The following CDH7 variants were observed in gnomAD, a reference collection of about 807,000 sequenced individuals.
The protein encoded by CDH7 is cadherin 7, also known as cadherin-7.
CDH7 carries 25 observed loss-of-function variants against 71.8 expected under a neutral mutation model. That is an observed-to-expected ratio of 0.35 (90% CI 0.25 to 0.49). CDH7 has a LOEUF of 0.49. CDH7 is among the 20% of genes least tolerant of loss of function. CDH7 has a pLI of 0.99. For synonymous variants in CDH7, 381 were observed against 363.8 expected, an observed-to-expected ratio of 1.05 and a Z score of -0.54; for missense variants, 862 against 974.6, an observed-to-expected ratio of 0.88 and a Z score of 1.54.
At chr18:65,838,483 A>G (rs1912613839) in intron 6 of CDH7, among the ~76,000 whole-genome samples, 1 of 152,224 alleles carries the variant, frequency 6.6e-6, no homozygotes, top group Non-Finnish European at 1.5e-5. Flanking sequence ...TTAAGTATAT[A>G]GACATGCACA....
chr18:65,790,026 G>A (rs1485326309), intron 2 of CDH7, among the ~76,000 whole-genome samples: 3 of 151,660 alleles, frequency 2.0e-5, no homozygotes, highest in South Asian at 2.1e-4. Context: ...TCAGAAGATC[G>A]AGAACATCCT....
At chr18:65,763,594 GGTGTGTGT>G (rs71167145) in intron 2 of CDH7, among the ~76,000 whole-genome samples, 19 of 99,130 alleles carry the variant, frequency 1.9e-4, no homozygotes, top group Non-Finnish European at 2.6e-4. Context: ...TTGATAGGGG[GGTGTGTGT>G]GTGTGTGTGT....
chr18:65,790,036 T>C (rs945587671), intron 2 of CDH7, among the ~76,000 whole-genome samples: 2 of 151,624 alleles, frequency 1.3e-5, no homozygotes, highest in African/African-American at 4.8e-5. Context: ...GAGAACATCC[T>C]GGCTAACATG....
In CDH7 at chr18:65,887,959, T is replaced by C. The variant is rs1914415079; in HGVS notation, c.*7065T>C. The C allele has an allele frequency of 1.3e-5, 2 of 152,164 alleles. No homozygotes were observed. Among genetic ancestry groups the C allele is most frequent in the Non-Finnish European group, 2.9e-5 (2 of 68,010 alleles). The allele number at this position is 152,164 out of a possible 1,614,324, so 9.4% of individuals were successfully genotyped here. On this transcript the variant is annotated 3_prime_UTR_variant, in exon 12 of 12. Transcript: ENST00000397968. ...ACCACTTTTATAATATTTTTGCTTA[T>C]GTAAGAGTCACTTCTATAGTAAAAG... is the stretch of plus-strand genomic sequence containing the variant.
chr18:65,762,280 C>T (rs1916213184), intron 1 of CDH7, among the ~76,000 whole-genome samples: 1 of 151,908 alleles, frequency 6.6e-6, no homozygotes, highest in Non-Finnish European at 1.5e-5. Context: ...ATGAAAATCA[C>T]TGTAATATAA....
At chr18:65,857,101 A>G (rs1394604282) in intron 7 of CDH7, among the ~76,000 whole-genome samples, 3 of 151,594 alleles carry the variant, frequency 2.0e-5, no homozygotes, top group Non-Finnish European at 4.4e-5. Context: ...AATGGGCAAG[A>G]TGTTTACATG....
chr18:65,763,481 C>A (rs555859269), intron 2 of CDH7, among the ~76,000 whole-genome samples: 5 of 152,124 alleles, frequency 3.3e-5, no homozygotes, highest in Admixed American at 2.0e-4. Flanking sequence ...ACTTAGGTGT[C>A]CTTCCCTGAT....
At chr18:65,835,079 C>T (rs1324248368) in intron 6 of CDH7, among the ~76,000 whole-genome samples, 1 of 152,148 alleles carries the variant, frequency 6.6e-6, no homozygotes, top group Admixed American at 6.5e-5. Flanking sequence ...AGGTGGCTGG[C>T]TGTCTGCCTG....
At chr18:65,818,731 G>A (rs541156066) in intron 4 of CDH7, among the ~76,000 whole-genome samples, 1 of 152,258 alleles carries the variant, frequency 6.6e-6, no homozygotes, top group East Asian at 1.9e-4. Context: ...TAATCACACA[G>A]AAATAATTAT....
chr18:65,843,249 G>A (rs1912801764), intron 6 of CDH7, among the ~76,000 whole-genome samples: 1 of 152,094 alleles, frequency 6.6e-6, no homozygotes, highest in Admixed American at 6.6e-5. Flanking sequence ...TGGAGGAATA[G>A]CGAAGGCAGA....
chr18:65,844,372 T>C lies in CDH7; in HGVS notation c.1235+307T>C, dbSNP rs143631360. 1.5e-3 allele frequency among the ~76,000 whole-genome samples: 221 copies of C among 151,868 alleles called. 1 individual carries two copies. The highest frequency in any genetic ancestry group is 1.5e-3 in the Non-Finnish European group (103 of 67,882). The stretch of plus-strand genomic sequence containing the variant: ...TGAATCTCTTTTAAAGCAAAACATG[T>C]TCAAAAATGAAGCAATGCATGTTTA... On this transcript the variant is annotated intron_variant, in intron 7 of 11. Coordinates refer to ENST00000397968, the MANE Select transcript of CDH7 (RefSeq NM_004361.5).
intron 11 of CDH7, among the ~76,000 whole-genome samples, chr18:65,879,662 C>G (rs542277310): frequency 6.6e-6 from 1 of 152,156 alleles, no homozygotes; most frequent in Non-Finnish European, 1.5e-5. Context: ...CTTTACAGTG[C>G]AACCTCCTGC....
At chr18:65,765,331 A>T (rs927549605) in intron 2 of CDH7, among the ~76,000 whole-genome samples, 2 of 152,022 alleles carry the variant, frequency 1.3e-5, no homozygotes, top group Non-Finnish European at 2.9e-5. Flanking sequence ...TATAGATTTT[A>T]TATTTGAGAT....
intron 1 of CDH7, among the ~76,000 whole-genome samples, chr18:65,754,111 T>C (rs950463572): frequency 1.3e-5 from 2 of 152,224 alleles, no homozygotes; most frequent in African/African-American, 4.8e-5. Flanking sequence ...TCAGAAAGAT[T>C]GTGCCTTGTT....
intron 11 of CDH7, among the ~76,000 whole-genome samples, chr18:65,874,146 T>C (rs950122843): frequency 6.6e-6 from 1 of 152,198 alleles, no homozygotes; most frequent in African/African-American, 2.4e-5. Context: ...TCATTAAAAA[T>C]ATTATTGAAT....
rs190094523 is a variant in CDH7 at position 65,837,947 on chromosome 18, C to T, written c.982-5865C>T. 2.8e-3 allele frequency among the ~76,000 whole-genome samples: 308 copies of T among 108,868 alleles called. 1 individual carries two copies. The highest frequency in any genetic ancestry group is 7.4e-3 in the Middle Eastern group (1 of 136). The allele number at this position is 108,868 out of a possible 152,430, so 71.4% of individuals were successfully genotyped here. ...TAATTTTTTTTTTTTTTTTTTGAGA[C>T]GATGTCTTGCTCTGTCGCCCGGGCT... On this transcript the variant is annotated intron_variant, in intron 6 of 11. Transcript: ENST00000397968.
intron 2 of CDH7, among the ~76,000 whole-genome samples, chr18:65,807,486 A>AC (rs1911366389): frequency 6.6e-6 from 1 of 152,168 alleles, no homozygotes; most frequent in Non-Finnish European, 1.5e-5. Context: ...TTGATTAAAG[A>AC]CATGACCCAT....
In CDH7 at chr18:65,843,982, G is replaced by A. The variant is rs1252255520; in HGVS notation, c.1152G>A (p.Met384Ile). 3.1e-6 allele frequency: 5 copies of A among 1,612,750 alleles called. No individual in the cohort carries two copies. Among genetic ancestry groups the A allele is most frequent in the Non-Finnish European group, 4.2e-6 (5 of 1,179,356 alleles). The change falls in exon 7 of 12, where the codon ATG becomes ATA. Residue 384 changes from methionine to isoleucine, a missense_variant. Coordinates refer to ENST00000397968, the MANE Select transcript of CDH7 (RefSeq NM_004361.5). The part of the protein sequence containing the change: ...PPVFSSPLYP[M>I]EVSEATQVGN... ...TGTTCTCTTCACCCTTGTACCCTAT[G>A]GAGGTGTCGGAAGCTACCCAGGTTG...
In CDH7 at chr18:65,824,653, A is replaced by G; in HGVS notation, c.803A>G (p.Gln268Arg). The part of the protein sequence containing the change: ...NPPRFPRRSY[Q>R]YNVPESLPVA... The stretch of plus-strand genomic sequence containing the variant: ...GCTTTGAATTTCACAGGGTCTTATC[A>G]ATATAACGTCCCAGAGTCATTACCT... The change falls in exon 6 of 12, where the codon CAA (glutamine) becomes CGA (arginine). Residue 268 changes from glutamine (Q) to arginine (R), a missense_variant. Gln to Arg is a conservative substitution (Grantham distance 43, BLOSUM62 1). Coordinates refer to ENST00000397968, the MANE Select transcript of CDH7 (RefSeq NM_004361.5). 6.4e-7 allele frequency: 1 copy of G among 1,572,460 alleles called. No individual in the cohort carries two copies. The highest frequency in any genetic ancestry group is 8.6e-7 in the Non-Finnish European group (1 of 1,157,894).
Sources: allele counts gnomAD v4.1 joint callset (sites outside exome capture counted in the v4.1 genomes callset), GRCh38; gene constraint gnomAD v4.1.1; transcripts MANE v1.5; gene names NCBI Gene and HGNC (gene_info 2026-07-23, HGNC 2026-07-21).